The following CCDC141 variants were observed in gnomAD, a reference collection of about 807,000 sequenced individuals.
The protein encoded by CCDC141 is coiled-coil domain-containing protein 141.
CCDC141 carries 168 observed loss-of-function variants against 181.0 expected under a neutral mutation model. The observed-to-expected ratio is 0.93, with a 90% CI of 0.82 to 1.05. The LOEUF is 1.05. CCDC141 is among the 50% of genes least tolerant of loss of function. CCDC141 has a pLI of 0.00. For synonymous variants in CCDC141, 666 were observed against 642.3 expected (o/e 1.04, Z -0.56); for missense variants, 1,902 against 1,788.5 (o/e 1.06, Z -1.14).
chr2:179,039,589 T>G (rs1559065710), intron 2 of CCDC141, among the ~76,000 whole-genome samples: 1 of 151,990 alleles, frequency 6.6e-6, no homozygotes, highest in Non-Finnish European at 1.5e-5. Context: ...CAAATCAGAG[T>G]TGACTCAGCA....
chr2:178,968,884 A>G (rs920028302), intron 4 of CCDC141, among the ~76,000 whole-genome samples: 1 of 152,056 alleles, frequency 6.6e-6, no homozygotes, highest in Non-Finnish European at 1.5e-5. Context: ...AGGCACAATA[A>G]AAAATGATAT....
chr2:178,815,786 T>G, the CCDC141 span, among the ~76,000 whole-genome samples: 3 of 152,324 alleles, frequency 2.0e-5, no homozygotes, highest in East Asian at 5.8e-4. Flanking sequence ...TATTTGTATT[T>G]TTTTTATTTT....
At chr2:178,822,411 A>T in the CCDC141 span, among the ~76,000 whole-genome samples, 6 of 139,920 alleles carry the variant, frequency 4.3e-5, no homozygotes, top group South Asian at 2.4e-4. Flanking sequence ...TATAATAATT[A>T]AAAAAAAAAT....
At chr2:179,011,772 A>G (rs1575341598) in intron 2 of CCDC141, among the ~76,000 whole-genome samples, 1 of 152,118 alleles carries the variant, frequency 6.6e-6, no homozygotes, top group African/African-American at 2.4e-5. Context: ...TATATCAAGC[A>G]CTCTCCCAGA....
chr2:178,980,562 T>TA (rs546086408), intron 2 of CCDC141, among the ~76,000 whole-genome samples: 209 of 152,316 alleles, frequency 1.4e-3, no homozygotes, highest in African/African-American at 4.9e-3. Flanking sequence ...AAAGGTGACT[T>TA]AAAAATGGTA....
At chr2:178,984,201 T>A (rs921078217) in intron 2 of CCDC141, among the ~76,000 whole-genome samples, 1 of 150,960 alleles carries the variant, frequency 6.6e-6, no homozygotes, top group South Asian at 2.1e-4. Context: ...CAGAATTTCA[T>A]ATCCAGCCAA....
chr2:178,973,702 AATG>A (rs1690999534), intron 4 of CCDC141, among the ~76,000 whole-genome samples: 1 of 152,182 alleles, frequency 6.6e-6, no homozygotes, highest in African/African-American at 2.4e-5. Context: ...CCCTCTGGAG[AATG>A]CTTTCATTTG....
chr2:178,923,180 C>CT (rs367583084), intron 6 of CCDC141, among the ~76,000 whole-genome samples: 4,494 of 149,420 alleles, frequency 0.03, 148 homozygotes, highest in East Asian at 0.13. Context: ...TCTCGGCTCA[C>CT]TGCAAGCTCC....
chr2:178,824,035 T>A, the CCDC141 span, among the ~76,000 whole-genome samples: 5 of 147,586 alleles, frequency 3.4e-5, no homozygotes, highest in African/African-American at 5.1e-5. Flanking sequence ...TATTACTGAA[T>A]TCATACAAGA....
Position 178,961,403 on chromosome 2 carries a change from G to T in CCDC141, c.607C>A (p.Pro203Thr). 1 of 1,550,456 alleles carries T rather than the reference G, an allele frequency of 6.4e-7. No homozygotes were observed. The highest frequency in any genetic ancestry group is 8.7e-7 in the Non-Finnish European group (1 of 1,146,914). Reference protein sequence around the residue: ...DFIEKFKCEGPNVNPELTQGA... With the variant: ...DFIEKFKCEGTNVNPELTQGA... ...TGAGTCAACTCAGGATTCACATTAG[G>T]TCCTTCACACTTGAATTTTTCTATG... The change falls in exon 5 of 24, where the codon CCT (proline) becomes ACT (threonine). Residue 203 changes from proline (P) to threonine (T), a missense_variant. Pro to Thr is a conservative substitution (Grantham distance 38, BLOSUM62 -1). Coordinates refer to ENST00000443758, the MANE Select transcript of CCDC141 (RefSeq NM_173648.4).
At position 178,995,398 on chromosome 2, in the gene CCDC141, G is replaced by T. The variant is rs112442741; in HGVS notation, c.226-16723C>A. Among the ~76,000 whole-genome samples, 25 of 152,174 alleles carry T rather than the reference G, an allele frequency of 1.6e-4. 1 individual carries two copies. The highest frequency in any genetic ancestry group is 5.8e-4 in the African/African-American group (24 of 41,532). ...TTATTCACTATCATGAGAACAGCAC[G>T]GGAAAGACCTGCTCCCATGATTCAA... On this transcript the variant is annotated intron_variant, in intron 2 of 23. Coordinates refer to ENST00000443758, the MANE Select transcript of CCDC141 (RefSeq NM_173648.4).
the CCDC141 span, among the ~76,000 whole-genome samples, chr2:178,822,268 G>A: frequency 6.6e-6 from 1 of 151,552 alleles, no homozygotes; most frequent in Non-Finnish European, 1.5e-5. Flanking sequence ...GGGGTGGGGG[G>A]AGTGGGGAGG....
chr2:178,932,146 A>G (rs972448268), intron 6 of CCDC141, among the ~76,000 whole-genome samples: 3 of 152,224 alleles, frequency 2.0e-5, no homozygotes, highest in African/African-American at 7.2e-5. Flanking sequence ...TGACAGAGTG[A>G]GACGCAGTCT....
At chr2:178,873,067 C>T (rs1686191014) in intron 12 of CCDC141, 1 of 152,118 alleles carries the variant, frequency 6.6e-6, no homozygotes, top group Non-Finnish European at 1.5e-5. Context: ...AAAAAATGCA[C>T]AGGAACATTC....
chr2:178,946,851 C>T (rs369138975), intron 5 of CCDC141, among the ~76,000 whole-genome samples: 2 of 152,144 alleles, frequency 1.3e-5, no homozygotes, highest in African/African-American at 2.4e-5. Context: ...TAAAGACATA[C>T]GATAATGTTC....
intron 5 of CCDC141, among the ~76,000 whole-genome samples, chr2:178,947,215 A>G (rs1689769619): frequency 6.6e-6 from 1 of 152,198 alleles, no homozygotes; most frequent in Admixed American, 6.5e-5. Context: ...AGACAGCTGC[A>G]TAGATATTCT....
rs1684223367 is a variant in CCDC141 at position 178,830,936 on chromosome 2, T to TCAAACCGAGGGATC, written c.*3236_*3237insGATCCCTCGGTTTG. 2 of 151,824 alleles carry TCAAACCGAGGGATC rather than the reference T, an allele frequency of 1.3e-5. No individual in the cohort carries two copies. Among genetic ancestry groups the TCAAACCGAGGGATC allele is most frequent in the Non-Finnish European group, 2.9e-5 (2 of 68,006 alleles). 9.4% of individuals were successfully genotyped at this position (151,824 alleles called of 1,614,324 possible). On this transcript the variant is annotated 3_prime_UTR_variant, in exon 24 of 24. Coordinates refer to ENST00000443758, the MANE Select transcript of CCDC141 (RefSeq NM_173648.4). ...ATGTCACTTTACTAGGGGTTGGGGG[T>TCAAACCGAGGGATC]AATAGGAGGGGATCAAACCGAGGCC... is the stretch of plus-strand genomic sequence containing the variant.
chr2:178,820,337 G>C, the CCDC141 span, among the ~76,000 whole-genome samples: 661 of 152,118 alleles, frequency 4.3e-3, 4 homozygotes, highest in African/African-American at 0.015. Context: ...TTGGGGGAGG[G>C]GTTGTAGTTA....
At chr2:178,957,001 C>T (rs1305910959) in intron 5 of CCDC141, among the ~76,000 whole-genome samples, 8 of 152,066 alleles carry the variant, frequency 5.3e-5, no homozygotes, top group East Asian at 3.9e-4. Context: ...CTCAGCGTTC[C>T]GTGTAGCTGG....
Sources: gnomAD v4.1 joint callset for allele counts (sites outside exome capture counted in the v4.1 genomes callset) on GRCh38, gnomAD v4.1.1 for gene constraint, MANE v1.5 for transcripts, NCBI Gene and HGNC (gene_info 2026-07-23, HGNC 2026-07-21) for gene names.